PROK1: variants seen among roughly 807,000 people sequenced by gnomAD.
The protein encoded by PROK1 is prokineticin-1.
In PROK1, 10 loss-of-function variants were observed where a neutral mutation model predicts 8.8. The ratio of observed to expected loss-of-function variants is 1.13; its 90% CI spans 0.70 to 1.92. The LOEUF is 1.92. Among genes scored for constraint, PROK1 ranks in the 30% most tolerant of loss-of-function variants. The pLI, the probability that PROK1 is intolerant of heterozygous loss-of-function variation, is 0.00. For synonymous variants in PROK1, 57 were observed against 56.0 expected, an observed-to-expected ratio of 1.02 and a Z score of -0.08; for missense variants, 140 against 139.7, an observed-to-expected ratio of 1.00 and a Z score of -0.01.
rs1287491482 is a variant in PROK1, at chr1:110,453,251, C to T, written c.73-710C>T. On this transcript the variant is annotated intron_variant, in intron 1 of 2. Coordinates refer to ENST00000271331, the MANE Select transcript of PROK1 (RefSeq NM_032414.3). ...GAGCAGTTAAGAGTTCTGTCTTCCC[C>T]GGCTCTGGCTTTTATTTAACGTGGG... is the stretch of plus-strand genomic sequence containing the variant. 3.9e-5 allele frequency among the ~76,000 whole-genome samples: 6 copies of T among 152,332 alleles called. No individual in the cohort carries two copies. The East Asian group carries it at 5.8e-4, about 15-fold the overall frequency.
At chr1:110,456,176 G>A in intron 2 of PROK1, 56 bp from the exon 3 acceptor site, 1 of 1,597,740 alleles carries the variant, frequency 6.3e-7, no homozygotes, top group Non-Finnish European at 8.5e-7. Flanking sequence ...AGAGACTGCT[G>A]CCAGGAGGCC....
intron 1 of PROK1, among the ~76,000 whole-genome samples, chr1:110,451,980 C>T (rs976433114): frequency 6.6e-6 from 1 of 152,196 alleles, no homozygotes; most frequent in Admixed American, 6.5e-5. Flanking sequence ...ATATTCAGAT[C>T]ATGGTTTTCT....
chr1:110,454,160 C>T, intron 2 of PROK1, 74 bp downstream of exon 2: 1 of 1,557,964 alleles, frequency 6.4e-7, no homozygotes, highest in Non-Finnish European at 8.7e-7. Context: ...TGTCCTGGGG[C>T]CTTGCTCTAG....
intron 1 of PROK1, 63 bp from the exon 2 acceptor site, chr1:110,453,898 C>T (rs761438937): frequency 3.8e-5 from 61 of 1,606,834 alleles, no homozygotes; most frequent in Non-Finnish European, 5.1e-5. Flanking sequence ...TTGGATCTAC[C>T]CTTCCCTTCT....
chr1:110,451,756 A>C (rs1664091285), intron 1 of PROK1, among the ~76,000 whole-genome samples: 1 of 152,190 alleles, frequency 6.6e-6, no homozygotes. Context: ...TAAGCTTATA[A>C]ACTTCTATTG....
chr1:110,456,731 T>C lies in PROK1; in HGVS notation c.*380T>C, dbSNP rs1371227249. On this transcript the variant is annotated 3_prime_UTR_variant, in exon 3 of 3. Transcript: ENST00000271331. ...TCCCTCGGTCTGAATTAGACATTCC[T>C]GGGCACAGGCTCTTGGGTGCATTGC... The C allele has an allele frequency of 2.9e-6, 1 of 349,178 alleles. No individual in the cohort carries two copies. Among genetic ancestry groups the C allele is most frequent in the Non-Finnish European group, 5.6e-6 (1 of 178,848 alleles). The allele number at this position is 349,178 out of a possible 1,614,324, so 21.6% of individuals were successfully genotyped here.
At chr1:110,452,222 A>T (rs1242430852) in intron 1 of PROK1, among the ~76,000 whole-genome samples, 15 of 152,232 alleles carry the variant, frequency 9.9e-5, no homozygotes, top group Admixed American at 2.6e-4. Flanking sequence ...CAATTCCTGG[A>T]ATTGGGTTAA....
chr1:110,455,530 C>A (rs1570689327), intron 2 of PROK1, among the ~76,000 whole-genome samples: 1 of 152,192 alleles, frequency 6.6e-6, no homozygotes, highest in African/African-American at 2.4e-5. Context: ...GATCCATATT[C>A]CCAATACAGA....
rs553162894 is a variant in PROK1 at position 110,455,927 on chromosome 1, G to A, written c.199-305G>A. Among the ~76,000 whole-genome samples the A allele has an allele frequency of 3.5e-4, 53 of 152,252 alleles. 1 individual carries two copies. In the South Asian group the frequency reaches 3.7e-3, roughly 11 times the overall value. ...GATGAGCAACAAACATTCAATCAAT[G>A]GACATGTGTGTGCGTGTGTGTGTGT... On this transcript the variant is annotated intron_variant, in intron 2 of 2. Coordinates refer to ENST00000271331, the MANE Select transcript of PROK1 (RefSeq NM_032414.3).
At position 110,451,178 on chromosome 1, in the gene PROK1, A is replaced by C; in HGVS notation, c.-39A>C. The C allele has an allele frequency of 6.2e-7, 1 of 1,604,178 alleles. No homozygotes were observed. Among genetic ancestry groups the C allele is most frequent in the Non-Finnish European group, 8.5e-7 (1 of 1,170,914 alleles). ...GGCTGAGCGGGAGGAAGCGAGAGGC[A>C]TCTAAGCAGGCAGTGTTTTGCCTTC... On this transcript the variant is annotated 5_prime_UTR_variant, in exon 1 of 3. Coordinates refer to ENST00000271331, the MANE Select transcript of PROK1 (RefSeq NM_032414.3).
Position 110,456,895 on chromosome 1 carries a change from G to A in PROK1, c.*544G>A, listed in dbSNP as rs750590705. ...AGACTCAAGATTGGCTCTTCCCAGAGGGCAGCAGACAGTCACCCCAAGGCA... is the reference window on the plus strand; with the variant it reads ...AGACTCAAGATTGGCTCTTCCCAGAAGGCAGCAGACAGTCACCCCAAGGCA... On this transcript the variant is annotated 3_prime_UTR_variant, in exon 3 of 3. Transcript: ENST00000271331. 5.2e-4 allele frequency: 98 copies of A among 188,822 alleles called. No individual in the cohort carries two copies. The highest frequency in any genetic ancestry group is 2.5e-3 in the Middle Eastern group (1 of 404). 11.7% of individuals were successfully genotyped at this position (188,822 alleles called of 1,614,324 possible). A position where few individuals can be genotyped will look rare whatever the true frequency, so the allele number is the denominator to read the frequency against.
intron 1 of PROK1, among the ~76,000 whole-genome samples, chr1:110,453,545 G>A (rs1240255043): frequency 6.6e-6 from 1 of 152,162 alleles, no homozygotes; most frequent in African/African-American, 2.4e-5. Context: ...CTGGTCCAAG[G>A]CAGCTCAGTA....
At chr1:110,451,675 C>CATATTA (rs1035689055) in intron 1 of PROK1, among the ~76,000 whole-genome samples, 2 of 152,246 alleles carry the variant, frequency 1.3e-5, no homozygotes, top group South Asian at 2.1e-4. Flanking sequence ...GTCTGATTCA[C>CATATTA]ATATTAATAT....
Position 110,451,177 on chromosome 1 carries a change from C to T in PROK1, c.-40C>T. The T allele has an allele frequency of 1.3e-6, 2 of 1,594,716 alleles. No individual in the cohort carries two copies. The highest frequency in any genetic ancestry group is 1.1e-5 in the South Asian group (1 of 90,720). On this transcript the variant is annotated 5_prime_UTR_variant, in exon 1 of 3. Coordinates refer to ENST00000271331, the MANE Select transcript of PROK1 (RefSeq NM_032414.3). Reference sequence around the variant, plus strand: ...AGGCTGAGCGGGAGGAAGCGAGAGGCATCTAAGCAGGCAGTGTTTTGCCTT... The same window carrying T: ...AGGCTGAGCGGGAGGAAGCGAGAGGTATCTAAGCAGGCAGTGTTTTGCCTT...
At position 110,457,184 on chromosome 1, in the gene PROK1, A is replaced by G. The variant is rs901905105; in HGVS notation, c.*833A>G. The G allele has an allele frequency of 6.5e-6, 1 of 152,674 alleles. No homozygotes were observed. Among genetic ancestry groups the G allele is most frequent in the Non-Finnish European group, 1.5e-5 (1 of 68,378 alleles). 9.5% of individuals were successfully genotyped at this position (152,674 alleles called of 1,614,324 possible). A position where few individuals can be genotyped will look rare whatever the true frequency, so the allele number is the denominator to read the frequency against. On this transcript the variant is annotated 3_prime_UTR_variant, in exon 3 of 3. Coordinates refer to ENST00000271331, the MANE Select transcript of PROK1 (RefSeq NM_032414.3). The stretch of plus-strand genomic sequence containing the variant: ...TGTTTCCTTAAACAACTCCTTTCCA[A>G]GGATCAGCCCTGAGAGCAGGTTGGT...
chr1:110,453,867 C>A (rs1664127983), intron 1 of PROK1, 94 bp from the exon 2 acceptor site: 2 of 1,543,560 alleles, frequency 1.3e-6, no homozygotes, highest in African/African-American at 1.4e-5. Flanking sequence ...CCTCTTCTTG[C>A]TCCATCCTGA....
intron 1 of PROK1, among the ~76,000 whole-genome samples, chr1:110,452,686 G>A (rs1418512633): frequency 1.3e-5 from 2 of 152,194 alleles, no homozygotes; most frequent in African/African-American, 4.8e-5. Context: ...GCAGTAAGGG[G>A]AAGTCAGGAA....
At chr1:110,455,674 G>A (rs1664161402) in intron 2 of PROK1, among the ~76,000 whole-genome samples, 1 of 152,200 alleles carries the variant, frequency 6.6e-6, no homozygotes, top group African/African-American at 2.4e-5. Context: ...AAATGATAAA[G>A]CTGAGGCACA....
Position 110,453,017 on chromosome 1 carries a change from G to A in PROK1, c.73-944G>A, listed in dbSNP as rs555844391. 4.6e-5 allele frequency among the ~76,000 whole-genome samples: 7 copies of A among 152,184 alleles called. No homozygotes were observed. The South Asian group carries it at 1.5e-3, about 32-fold the overall frequency. On this transcript the variant is annotated intron_variant, in intron 1 of 2. Transcript: ENST00000271331. ...ACTCCTCTGCATGATCTGTGGAGCT[G>A]ACATCCACTCTTTCCCTCTTGGGTC...
Sources: allele counts gnomAD v4.1 joint callset (sites outside exome capture counted in the v4.1 genomes callset), GRCh38; gene constraint gnomAD v4.1.1; transcripts MANE v1.5; gene names NCBI Gene and HGNC (gene_info 2026-07-23, HGNC 2026-07-21).